The following LOC400499 variants were observed in gnomAD, a reference collection of about 807,000 sequenced individuals.
the LOC400499 span, among the ~76,000 whole-genome samples, chr16:11,444,710 G>A: frequency 1.7e-4 from 26 of 152,206 alleles, no homozygotes; most frequent in African/African-American, 6.0e-4. Flanking sequence ...TGTGTACCAA[G>A]CCCTGTGGCT....
chr16:11,432,470 G>C, the LOC400499 span, among the ~76,000 whole-genome samples: 1 of 152,206 alleles, frequency 6.6e-6, no homozygotes, highest in Admixed American at 6.5e-5. Flanking sequence ...CAGGTAGAGA[G>C]AGAGTAATAT....
the LOC400499 span, among the ~76,000 whole-genome samples, chr16:11,489,207 G>A: frequency 1.3e-5 from 2 of 152,118 alleles, no homozygotes; most frequent in Non-Finnish European, 2.9e-5. Context: ...CTGCCTCTCC[G>A]AGCCTCAGTT....
At chr16:11,444,552 G>A in the LOC400499 span, among the ~76,000 whole-genome samples, 1 of 152,200 alleles carries the variant, frequency 6.6e-6, no homozygotes, top group African/African-American at 2.4e-5. Context: ...AGTTATGAGT[G>A]AACAAGACCT....
chr16:11,409,432 T>A, the LOC400499 span, among the ~76,000 whole-genome samples: 1 of 152,212 alleles, frequency 6.6e-6, no homozygotes, highest in African/African-American at 2.4e-5. Flanking sequence ...CACTTACATA[T>A]CGTCTATAGC....
chr16:11,399,850 G>A, the LOC400499 span: 1 of 398,704 alleles, frequency 2.5e-6, no homozygotes, highest in Admixed American at 4.4e-5. Flanking sequence ...GTGGGGAAAG[G>A]GGGACATGTA....
the LOC400499 span, among the ~76,000 whole-genome samples, chr16:11,421,390 C>A: frequency 2.0e-5 from 3 of 151,826 alleles, no homozygotes; most frequent in African/African-American, 7.3e-5. Flanking sequence ...TGGTCACTCA[C>A]TCTGGTATTT....
the LOC400499 span, among the ~76,000 whole-genome samples, chr16:11,374,696 A>G: frequency 1.3e-5 from 2 of 152,162 alleles, no homozygotes; most frequent in African/African-American, 4.8e-5. Context: ...GATTGATTGT[A>G]TGGAGAGACC....
the LOC400499 span, among the ~76,000 whole-genome samples, chr16:11,458,553 G>C: frequency 6.6e-6 from 1 of 151,684 alleles, no homozygotes; most frequent in Non-Finnish European, 1.5e-5. Flanking sequence ...CTCTGTGTTA[G>C]CTAGAGTAGT....
the LOC400499 span, among the ~76,000 whole-genome samples, chr16:11,463,358 C>A: frequency 6.7e-6 from 1 of 150,266 alleles, no homozygotes; most frequent in Non-Finnish European, 1.5e-5. Context: ...TCTCTGTCCC[C>A]GATCCCCACA....
At chr16:11,453,778 G>T in the LOC400499 span, among the ~76,000 whole-genome samples, 1 of 151,592 alleles carries the variant, frequency 6.6e-6, no homozygotes, top group African/African-American at 2.4e-5. Context: ...GACCTGCCTG[G>T]GCAACATACT....
the LOC400499 span, chr16:11,390,557 T>A: frequency 9.9e-7 from 1 of 1,008,046 alleles, no homozygotes; most frequent in Non-Finnish European, 1.3e-6. Flanking sequence ...AGATAGGGCC[T>A]GTTCCTGGGA....
At chr16:11,387,134 C>T in the LOC400499 span, 4 of 1,232,272 alleles carry the variant, frequency 3.2e-6, no homozygotes, top group Non-Finnish European at 4.0e-6. Flanking sequence ...CGCCAGCAGG[C>T]GGCGTCTGAG....
the LOC400499 span, chr16:11,384,048 C>T: frequency 8.1e-7 from 1 of 1,231,772 alleles, no homozygotes; most frequent in Non-Finnish European, 1.0e-6. Flanking sequence ...CCTGCTGGAC[C>T]ATGTGGCTCC....
At chr16:11,374,222 A>T in the LOC400499 span, among the ~76,000 whole-genome samples, 1 of 151,914 alleles carries the variant, frequency 6.6e-6, no homozygotes, top group Non-Finnish European at 1.5e-5. Flanking sequence ...TTAGAATTTT[A>T]TCTCCTTAAG....
At chr16:11,512,852 G>A in the LOC400499 span, among the ~76,000 whole-genome samples, 5 of 152,292 alleles carry the variant, frequency 3.3e-5, no homozygotes, top group South Asian at 8.3e-4. Flanking sequence ...GTCGGTGTGC[G>A]GGGAGGGCAG....
chr16:11,425,546 A>G, the LOC400499 span: 1 of 397,784 alleles, frequency 2.5e-6, no homozygotes, highest in Non-Finnish European at 4.4e-6. Context: ...ATGATGTCGC[A>G]CTTGTAACTC....
At chr16:11,388,558 G>A in the LOC400499 span, among the ~76,000 whole-genome samples, 1 of 152,140 alleles carries the variant, frequency 6.6e-6, no homozygotes, top group Non-Finnish European at 1.5e-5. Context: ...GTGAGGGGGA[G>A]GATACTGGGT....
chr16:11,391,447 CTG>C, the LOC400499 span, among the ~76,000 whole-genome samples: 3 of 152,184 alleles, frequency 2.0e-5, no homozygotes, highest in Non-Finnish European at 4.4e-5. Context: ...CTTGGAGACT[CTG>C]TAAAAATGAC....
chr16:11,479,777 A>C, the LOC400499 span, among the ~76,000 whole-genome samples: 1 of 152,074 alleles, frequency 6.6e-6, no homozygotes, highest in Non-Finnish European at 1.5e-5. Flanking sequence ...GTTTCTATCA[A>C]CTAAACTCCA....
Sources: allele counts gnomAD v4.1 joint callset (sites outside exome capture counted in the v4.1 genomes callset), GRCh38; gene constraint gnomAD v4.1.1; transcripts MANE v1.5.